The following TTLL9 variants were observed in gnomAD, a reference collection of about 807,000 sequenced individuals.
The protein encoded by TTLL9 is tubulin tyrosine ligase like 9.
Under a neutral mutation model 65.6 loss-of-function variants are expected in TTLL9, and 47 were observed. The observed-to-expected ratio is 0.72, with a 90% CI of 0.57 to 0.91. The LOEUF (loss-of-function observed/expected upper bound fraction) is 0.91, where lower values mean the gene tolerates loss of function less well. TTLL9 is among the 40% of genes least tolerant of loss of function. The pLI is 0.00. For synonymous variants in TTLL9, 179 were observed against 204.8 expected (o/e 0.87, Z 1.07); for missense variants, 537 against 568.8 (o/e 0.94, Z 0.57).
intron 4 of TTLL9, among the ~76,000 whole-genome samples, chr20:31,902,033 T>C (rs966896962): frequency 1.1e-4 from 16 of 152,338 alleles, no homozygotes; most frequent in African/African-American, 3.6e-4. Flanking sequence ...TTTTTAATTT[T>C]GATAAGTCCA....
At chr20:31,888,894 A>T (rs574225807) in intron 3 of TTLL9, among the ~76,000 whole-genome samples, 1 of 152,130 alleles carries the variant, frequency 6.6e-6, no homozygotes, top group African/African-American at 2.4e-5. Context: ...ATGTTGCCAA[A>T]CCATTCATGA....
chr20:31,931,080 T>TTC (rs1456782364), intron 10 of TTLL9, among the ~76,000 whole-genome samples: 2 of 133,190 alleles, frequency 1.5e-5, no homozygotes, highest in East Asian at 4.3e-4. Context: ...CTCTTTTCCT[T>TTC]TTTTTTTTTT....
chr20:31,909,205 G>A (rs1447708156), intron 5 of TTLL9, among the ~76,000 whole-genome samples: 5 of 143,148 alleles, frequency 3.5e-5, no homozygotes, highest in Admixed American at 7.6e-5. Context: ...GCATGATCTC[G>A]GCTCATTGCA....
intron 3 of TTLL9, among the ~76,000 whole-genome samples, chr20:31,888,571 A>C (rs1277791448): frequency 6.6e-6 from 1 of 152,096 alleles, no homozygotes; most frequent in Non-Finnish European, 1.5e-5. Context: ...TCCTGGGTTC[A>C]AGCGATTCTG....
chr20:31,933,742 G>A (rs779173026), intron 10 of TTLL9, 58 bp from the exon 11 acceptor site: 16 of 1,553,178 alleles, frequency 1.0e-5, no homozygotes, highest in South Asian at 9.2e-5. Flanking sequence ...TGGGGACTTC[G>A]TGGGGCAGAG....
chr20:31,922,984 C>G lies in TTLL9; in HGVS notation c.595C>G (p.Gln199Glu). 1 of 1,613,920 alleles carries G rather than the reference C, an allele frequency of 6.2e-7. No individual in the cohort carries two copies. The highest frequency in any genetic ancestry group is 8.5e-7 in the Non-Finnish European group (1 of 1,179,830). ...WRKDTRSSDD[Q>E]KDDIPVENYV... Reference sequence around the variant, plus strand: ...CTAGGACACAAGAAGCTCTGACGACCAGAAAGATGATATTCCCGTGGAGAA... The same window carrying G: ...CTAGGACACAAGAAGCTCTGACGACGAGAAAGATGATATTCCCGTGGAGAA... The change falls in exon 8 of 15, where the codon CAG becomes GAG. Residue 199 changes from glutamine to glutamate, a missense_variant. Physicochemically the swap from Gln to Glu is conservative, Grantham distance 29. Transcript: ENST00000535842.
intron 3 of TTLL9, among the ~76,000 whole-genome samples, chr20:31,888,562 C>T (rs1233707443): frequency 1.3e-5 from 2 of 152,060 alleles, no homozygotes; most frequent in African/African-American, 2.4e-5. Context: ...ACCTCTGCCT[C>T]CTGGGTTCAA....
intron 13 of TTLL9, among the ~76,000 whole-genome samples, 185 bp from the exon 14 acceptor site, chr20:31,938,957 A>C (rs888851642): frequency 6.6e-6 from 1 of 152,188 alleles, no homozygotes; most frequent in Non-Finnish European, 1.5e-5. Context: ...CCTTGGGGGA[A>C]AAATGGGAAC....
rs149735613 is a variant in TTLL9, at chr20:31,929,176, G to A, written c.748+3085G>A. Among the ~76,000 whole-genome samples, 206 of 152,292 alleles carry A rather than the reference G, an allele frequency of 1.4e-3. 1 individual carries two copies. Among genetic ancestry groups the A allele is most frequent in the African/African-American group, 4.6e-3 (192 of 41,556 alleles). Reference sequence around the variant, plus strand: ...CTTCCAAGGTGCTGGGATTACAGGCGTGAGCCACCGTGCCCAGCCTCACTA... The same window carrying A: ...CTTCCAAGGTGCTGGGATTACAGGCATGAGCCACCGTGCCCAGCCTCACTA... On this transcript the variant is annotated intron_variant, in intron 10 of 14. Transcript: ENST00000535842.
At position 31,890,862 on chromosome 20, in the gene TTLL9, G is replaced by A. The variant is rs115506774; in HGVS notation, c.113+3623G>A. 8.7e-3 allele frequency among the ~76,000 whole-genome samples: 1,321 copies of A among 152,240 alleles called. 20 individuals carry two copies. The highest frequency in any genetic ancestry group is 0.03 in the African/African-American group (1,238 of 41,540). On this transcript the variant is annotated intron_variant, in intron 3 of 14. Transcript: ENST00000535842. ...TCCACATGCTGGCTGAGCAGACTCC[G>A]GGGGCCAGGGAAAACCCTCAGGTAG...
intron 9 of TTLL9, 28 bp downstream of exon 9, chr20:31,925,077 C>T (rs2063877826): frequency 6.2e-7 from 1 of 1,613,358 alleles, no homozygotes; most frequent in African/African-American, 1.3e-5. Flanking sequence ...GGGCCCTCCT[C>T]CAGCAGGGGT....
intron 3 of TTLL9, among the ~76,000 whole-genome samples, chr20:31,897,294 T>C (rs2063400947): frequency 6.6e-6 from 1 of 152,230 alleles, no homozygotes; most frequent in Non-Finnish European, 1.5e-5. Flanking sequence ...TCATCTAAGC[T>C]GTCAAATGTA....
intron 11 of TTLL9, chr20:31,934,318 C>A: frequency 1.9e-6 from 1 of 515,438 alleles, no homozygotes; most frequent in South Asian, 1.5e-5. Context: ...TCTTCCCTCC[C>A]CAGCTCCATC....
intron 10 of TTLL9, among the ~76,000 whole-genome samples, 185 bp from the exon 11 acceptor site, chr20:31,933,615 C>G (rs937645286): frequency 6.6e-6 from 1 of 152,092 alleles, no homozygotes; most frequent in Non-Finnish European, 1.5e-5. Context: ...TTTTCAGGAG[C>G]CCACAGCCAG....
chr20:31,891,498 C>CT (rs1295902113), intron 3 of TTLL9, among the ~76,000 whole-genome samples: 6,091 of 145,002 alleles, frequency 0.042, 372 homozygotes, highest in African/African-American at 0.13. Context: ...CTTATTTTAT[C>CT]TTTTTTTTTT....
intron 4 of TTLL9, among the ~76,000 whole-genome samples, chr20:31,902,258 A>G (rs2063490178): frequency 6.6e-6 from 1 of 152,062 alleles, no homozygotes; most frequent in Non-Finnish European, 1.5e-5. Context: ...GTCTCTATTT[A>G]TCTATTCTGG....
chr20:31,870,655 G>A lies in TTLL9; in HGVS notation c.-300G>A, dbSNP rs1343979744. 3.2e-6 allele frequency: 4 copies of A among 1,256,174 alleles called. No individual in the cohort carries two copies. Among genetic ancestry groups the A allele is most frequent in the Middle Eastern group, 2.6e-4 (1 of 3,908 alleles). The allele number at this position is 1,256,174 out of a possible 1,614,324, so 77.8% of individuals were successfully genotyped here. Reference sequence around the variant, plus strand: ...CCCCAGTGTGCCGGGCCCACGGCCCGCGGGACAACGGCAGTTTGTTGGGGC... The same window carrying A: ...CCCCAGTGTGCCGGGCCCACGGCCCACGGGACAACGGCAGTTTGTTGGGGC... On this transcript the variant is annotated 5_prime_UTR_variant, in exon 1 of 15. Transcript: ENST00000535842. This position sits in a 1 kb window ranked among gnomAD's most constrained non-coding sequence, Gnocchi z 6.6.
At chr20:31,927,832 C>T (rs1039402166) in intron 10 of TTLL9, among the ~76,000 whole-genome samples, 9 of 152,202 alleles carry the variant, frequency 5.9e-5, no homozygotes, top group Non-Finnish European at 1.5e-5. Context: ...TTGCATCTCT[C>T]TGCATTAATT....
At chr20:31,928,834 T>A (rs2063955155) in intron 10 of TTLL9, among the ~76,000 whole-genome samples, 1 of 152,202 alleles carries the variant, frequency 6.6e-6, no homozygotes, top group South Asian at 2.1e-4. Context: ...AATGTTTATG[T>A]TTAAGAAAAA....
Sources: gnomAD v4.1 joint callset for allele counts (sites outside exome capture counted in the v4.1 genomes callset) on GRCh38, gnomAD v4.1.1 for gene constraint, Gnocchi (gnomAD v3.1) non-coding constraint, MANE v1.5 for transcripts, NCBI Gene and HGNC (gene_info 2026-07-23, HGNC 2026-07-21) for gene names.